PKD2: variants seen among roughly 807,000 people sequenced by gnomAD.
The protein encoded by PKD2 is polycystin 2, transient receptor potential cation channel, also known as polycystin-2.
In PKD2, 48 loss-of-function variants were observed where a neutral mutation model predicts 105.9. That is an observed-to-expected ratio of 0.45 (90% CI 0.36 to 0.58). PKD2 has a LOEUF of 0.58. PKD2 is among the 20% of genes least tolerant of loss of function. The pLI, the probability that PKD2 is intolerant of heterozygous loss-of-function variation, is 0.00. For missense variants in PKD2, 1,078 were observed against 1,255.3 expected (o/e 0.86, Z 2.13); for synonymous variants, 464 against 481.1 (o/e 0.96, Z 0.46).
At chr4:88,033,247 C>T (rs181647042) in intron 2 of PKD2, among the ~76,000 whole-genome samples, 215 of 151,996 alleles carry the variant, frequency 1.4e-3, no homozygotes, top group Middle Eastern at 6.8e-3. Context: ...GGCAGCATGG[C>T]GAAACCCCGT....
chr4:88,047,393 CA>C (rs879780943), intron 6 of PKD2, among the ~76,000 whole-genome samples: 1,431 of 135,566 alleles, frequency 0.011, 16 homozygotes, highest in African/African-American at 0.031. Flanking sequence ...CCTGTCTTTA[CA>C]AAAAAAAAAA....
rs80178123 is a variant in PKD2, at chr4:88,049,054, T to C, written c.1548+2184T>C. On this transcript the variant is annotated intron_variant, in intron 6 of 14. Transcript: ENST00000237596. ...TATGATATGCTAATTAAGAACAGAC[T>C]TCCTTTTTATATTTTAACCAAAGAA... Among the ~76,000 whole-genome samples the C allele has an allele frequency of 2.0e-3, 302 of 152,334 alleles. 2 individuals are homozygous for C. Among genetic ancestry groups the C allele is most frequent in the African/African-American group, 6.9e-3 (286 of 41,572 alleles).
rs746448717 is a variant in PKD2 at position 88,020,683 on chromosome 4, C to CTTT, written c.709+1128_709+1130dup. ...CCAAACTCCTCTGAGAAAAGGTTTCCTTTTTTTTTTTTTTTTTTAAATTAG... is the reference window on the plus strand; with the variant it reads ...CCAAACTCCTCTGAGAAAAGGTTTCCTTTTTTTTTTTTTTTTTTTTTAAATTAG... On this transcript the variant is annotated intron_variant, in intron 2 of 14. Coordinates refer to ENST00000237596, the MANE Select transcript of PKD2 (RefSeq NM_000297.4). Among the ~76,000 whole-genome samples the CTTT allele has an allele frequency of 1.1e-4, 15 of 138,114 alleles. No homozygotes were observed. In the South Asian group the frequency reaches 2.9e-3, roughly 26 times the overall value. 90.6% of individuals were successfully genotyped at this position (138,114 alleles called of 152,430 possible).
chr4:88,017,964 T>C (rs1436425349), intron 1 of PKD2, among the ~76,000 whole-genome samples: 1 of 152,228 alleles, frequency 6.6e-6, no homozygotes, highest in African/African-American at 2.4e-5. Flanking sequence ...TGTATTTGTG[T>C]CCAGGGCTAC....
Position 88,036,221 on chromosome 4 carries a change from G to C in PKD2, c.711G>C (p.Leu237Phe), listed in dbSNP as rs781318662. The C allele has an allele frequency of 3.0e-5, 48 of 1,613,610 alleles. No individual in the cohort carries two copies. The highest frequency in any genetic ancestry group is 4.0e-5 in the Non-Finnish European group (47 of 1,179,730). Residue 237 changes from leucine (L) to phenylalanine (F), a missense_variant and splice_region_variant, in exon 3 of 15, where the codon TTG (leucine) becomes TTC (phenylalanine). Transcript: ENST00000237596. ...YLLFLIVLCI[L>F]TYGMMSSNVY... ...CATTTGGATCTTTCTGTGTTCCAGT[G>C]ACCTACGGCATGATGAGCTCCAATG...
chr4:88,020,294 C>T (rs1050281164), intron 2 of PKD2, among the ~76,000 whole-genome samples: 1 of 152,154 alleles, frequency 6.6e-6, no homozygotes, highest in East Asian at 1.9e-4. Flanking sequence ...TTGGCGTATA[C>T]ATGTAATATC....
intron 4 of PKD2, among the ~76,000 whole-genome samples, chr4:88,039,664 C>CA (rs368041376): frequency 0.013 from 1,248 of 97,288 alleles, 35 homozygotes; most frequent in Middle Eastern, 0.039. Flanking sequence ...GACTCCCCCT[C>CA]AAAAAAAAAA....
At chr4:88,064,268 A>G (rs948442124) in intron 10 of PKD2, among the ~76,000 whole-genome samples, 6 of 152,238 alleles carry the variant, frequency 3.9e-5, no homozygotes, top group African/African-American at 1.4e-4. Context: ...GTACAGTGTA[A>G]TATTATACAA....
At chr4:88,008,378 C>T in intron 1 of PKD2, 50 bp downstream of exon 1, 1 of 1,481,752 alleles carries the variant, frequency 6.7e-7, no homozygotes, top group African/African-American at 1.4e-5. Flanking sequence ...GAACGGCCGG[C>T]GCCGGCCGGG....
At chr4:88,029,346 C>G (rs773917385) in intron 2 of PKD2, among the ~76,000 whole-genome samples, 6 of 152,156 alleles carry the variant, frequency 3.9e-5, no homozygotes, top group Admixed American at 6.5e-5. Context: ...CTAGTACTTG[C>G]GTGCCAGTGA....
intron 7 of PKD2, among the ~76,000 whole-genome samples, chr4:88,055,577 G>A (rs761600849): frequency 2.0e-5 from 3 of 150,792 alleles, no homozygotes; most frequent in South Asian, 2.1e-4. Context: ...GGGCTCAAGC[G>A]ATCCTCCTGC....
At position 88,065,481 on chromosome 4, in the gene PKD2, A is replaced by G. The variant is rs1341996144; in HGVS notation, c.2226A>G (p.Arg742=). The G allele has an allele frequency of 6.2e-7, 1 of 1,613,900 alleles. No individual in the cohort carries two copies. The highest frequency in any genetic ancestry group is 8.5e-7 in the Non-Finnish European group (1 of 1,179,776). The stretch of plus-strand genomic sequence containing the variant: ...GCAAGTTAAACTTTGACGAACTTCG[A>G]CAAGATCTCAAAGGGTGAGAATCAT... ...GGGKLNFDEL[R]QDLKGKGHTD... is the part of the protein sequence containing the mutation. Residue 742 remains arginine, a synonymous_variant, in exon 11 of 15, where the codon CGA becomes CGG. Coordinates refer to ENST00000237596, the MANE Select transcript of PKD2 (RefSeq NM_000297.4).
At chr4:88,057,408 A>T (rs957212226) in intron 8 of PKD2, among the ~76,000 whole-genome samples, 4 of 151,124 alleles carry the variant, frequency 2.6e-5, no homozygotes, top group Admixed American at 2.6e-4. Context: ...CAATTGCTTT[A>T]TAAGTTATTG....
intron 6 of PKD2, among the ~76,000 whole-genome samples, chr4:88,047,187 A>G (rs2110116468): frequency 6.7e-6 from 1 of 149,036 alleles, no homozygotes; most frequent in African/African-American, 2.5e-5. Context: ...TTTTTTTTCC[A>G]CTAATGATAT....
At chr4:88,063,737 C>G (rs1720672047) in intron 10 of PKD2, among the ~76,000 whole-genome samples, 1 of 152,048 alleles carries the variant, frequency 6.6e-6, no homozygotes. Context: ...GGTCTATCAA[C>G]TTAAATGAGG....
chr4:88,036,030 T>C (rs1727318483), intron 2 of PKD2, 190 bp from the exon 3 acceptor site: 1 of 806,512 alleles, frequency 1.2e-6, no homozygotes, highest in Admixed American at 2.2e-5. Flanking sequence ...CGTATTTCTT[T>C]TATAAGCCAG....
chr4:88,029,184 C>T (rs971506974), intron 2 of PKD2, among the ~76,000 whole-genome samples: 1 of 152,176 alleles, frequency 6.6e-6, no homozygotes, highest in Admixed American at 6.6e-5. Flanking sequence ...GGACTTCCCT[C>T]TTTGTCTTTG....
At chr4:88,069,903 T>A (rs1720950784) in intron 13 of PKD2, among the ~76,000 whole-genome samples, 1 of 152,186 alleles carries the variant, frequency 6.6e-6, no homozygotes, top group Non-Finnish European at 1.5e-5. Flanking sequence ...TCAGATCCAA[T>A]TATGTACATA....
chr4:88,038,525 A>G, intron 4 of PKD2, 24 bp downstream of exon 4: 1 of 1,611,960 alleles, frequency 6.2e-7, no homozygotes, highest in Non-Finnish European at 8.5e-7. Context: ...ACTCATTGCC[A>G]CTCGGTGATA....
Sources: allele counts gnomAD v4.1 joint callset (sites outside exome capture counted in the v4.1 genomes callset), GRCh38; gene constraint gnomAD v4.1.1; transcripts MANE v1.5; gene names NCBI Gene and HGNC (gene_info 2026-07-23, HGNC 2026-07-21).